The following PLXNA2 variants were observed in gnomAD, a reference collection of about 807,000 sequenced individuals.
The protein encoded by PLXNA2 is plexin A2.
Under a neutral mutation model 193.5 loss-of-function variants are expected in PLXNA2, and 91 were observed. The ratio of observed to expected loss-of-function variants is 0.47; its 90% CI spans 0.40 to 0.56. The LOEUF (loss-of-function observed/expected upper bound fraction) is 0.56, where lower values mean the gene tolerates loss of function less well. Ranked by LOEUF, PLXNA2 falls within the 20% of genes least tolerant of loss-of-function variation. The pLI is 0.00. For synonymous variants in PLXNA2, 997 were observed against 1,027.3 expected (o/e 0.97, Z 0.56); for missense variants, 1,995 against 2,503.2 (o/e 0.80, Z 4.33).
rs2102293970 is a variant in PLXNA2 at position 208,027,347 on chromosome 1, C to T, written c.5590-9G>A. 6.2e-7 allele frequency: 1 copy of T among 1,610,546 alleles called. No individual in the cohort carries two copies. The highest frequency in any genetic ancestry group is 8.5e-7 in the Non-Finnish European group (1 of 1,179,286). On this transcript the variant is annotated splice_polypyrimidine_tract_variant and intron_variant, in intron 31 of 31. Transcript: ENST00000367033. ...TCTAGGGCCCCGATGAGCTGAGGAG[C>T]AAAAACAAAGGCAGGAAGACTTCAG...
At chr1:208,196,358 A>C (rs2801203) in intron 3 of PLXNA2, among the ~76,000 whole-genome samples, 147,829 of 152,262 alleles carry the variant, frequency 0.97, 71,905 homozygotes, top group Middle Eastern at 1. Context: ...CAAAAAAAAA[A>C]CCATGTTCTC....
chr1:208,232,225 C>T (rs938736282), intron 1 of PLXNA2, among the ~76,000 whole-genome samples: 6 of 152,194 alleles, frequency 3.9e-5, no homozygotes, highest in African/African-American at 1.2e-4. Flanking sequence ...AAGGAGAGAC[C>T]ACTGTGCCAG....
At chr1:208,067,014 G>C (rs115212154) in intron 12 of PLXNA2, among the ~76,000 whole-genome samples, 1,732 of 152,272 alleles carry the variant, frequency 0.011, 30 homozygotes, top group South Asian at 0.034. Context: ...ATTACAAAGA[G>C]TCAAAAGGTT....
At chr1:208,129,370 T>C (rs1668079043) in intron 4 of PLXNA2, among the ~76,000 whole-genome samples, 1 of 152,080 alleles carries the variant, frequency 6.6e-6, no homozygotes, top group African/African-American at 2.4e-5. Context: ...GCTGGGTGCA[T>C]GATGGCTTCC....
In PLXNA2 at chr1:208,082,324, C is replaced by T; in HGVS notation, c.2395+88G>A. ...CAGAGGGAGTGTATTATTCATGGCA[C>T]AGCGGCTGGCTGGCTCTGATCCCTC... On this transcript the variant is annotated intron_variant, in intron 11 of 31. Coordinates refer to ENST00000367033, the MANE Select transcript of PLXNA2 (RefSeq NM_025179.4). The surrounding 1 kb of genome is among the most constrained non-coding windows in gnomAD (Gnocchi z 4.2). 1.0e-6 allele frequency: 1 copy of T among 979,428 alleles called. No individual in the cohort carries two copies. Among genetic ancestry groups the T allele is most frequent in the Non-Finnish European group, 1.6e-6 (1 of 624,230 alleles). The allele number at this position is 979,428 out of a possible 1,614,324, so 60.7% of individuals were successfully genotyped here.
At chr1:208,084,330 G>T (rs1004195878) in intron 10 of PLXNA2, 50 bp downstream of exon 10, 6 of 1,587,606 alleles carry the variant, frequency 3.8e-6, no homozygotes, top group Non-Finnish European at 5.2e-6. Flanking sequence ...CCCAGCACGA[G>T]TGTGAGAGGA....
chr1:208,227,189 T>C (rs1671537196), intron 1 of PLXNA2, among the ~76,000 whole-genome samples: 1 of 152,220 alleles, frequency 6.6e-6, no homozygotes, highest in Non-Finnish European at 1.5e-5. Context: ...CATACTCTAA[T>C]GACCATGAGT....
intron 3 of PLXNA2, among the ~76,000 whole-genome samples, chr1:208,203,232 G>A (rs1428404097): frequency 2.0e-5 from 3 of 152,172 alleles, no homozygotes; most frequent in Non-Finnish European, 4.4e-5. Context: ...CGAGCTTGGC[G>A]GCGGGAGCCC....
chr1:208,184,912 G>T (rs1462774412), intron 3 of PLXNA2, among the ~76,000 whole-genome samples: 1 of 152,210 alleles, frequency 6.6e-6, no homozygotes, highest in Non-Finnish European at 1.5e-5. Flanking sequence ...TAAAAGCAGG[G>T]TCTGGGCCCT....
intron 17 of PLXNA2, among the ~76,000 whole-genome samples, chr1:208,049,733 G>T (rs1236462524): frequency 6.6e-6 from 1 of 152,182 alleles, no homozygotes; most frequent in Non-Finnish European, 1.5e-5. Context: ...GGTTGCATCA[G>T]ATGATCCCTG....
intron 3 of PLXNA2, among the ~76,000 whole-genome samples, chr1:208,157,675 G>A (rs1222369416): frequency 1.3e-5 from 2 of 152,194 alleles, no homozygotes; most frequent in Non-Finnish European, 2.9e-5. Context: ...AGACTCCTGG[G>A]AAGAGTAGCT....
chr1:208,031,569 C>T, intron 29 of PLXNA2, 21 bp downstream of exon 29: 2 of 1,613,942 alleles, frequency 1.2e-6, no homozygotes, highest in Non-Finnish European at 1.7e-6. Context: ...GCACCTCCTG[C>T]TGAGCTCCCC....
chr1:208,186,087 G>A (rs182197399), intron 3 of PLXNA2, among the ~76,000 whole-genome samples: 1 of 152,312 alleles, frequency 6.6e-6, no homozygotes, highest in Admixed American at 6.5e-5. Flanking sequence ...CAGATTCTGA[G>A]AGCGCTATCT....
intron 3 of PLXNA2, among the ~76,000 whole-genome samples, chr1:208,146,050 C>A (rs1378464889): frequency 6.6e-6 from 1 of 152,062 alleles, no homozygotes; most frequent in African/African-American, 2.4e-5. Context: ...AGAGTAGGGG[C>A]CAGGAGGCCA....
At chr1:208,221,846 G>A (rs374746625) in intron 1 of PLXNA2, among the ~76,000 whole-genome samples, 8 of 152,300 alleles carry the variant, frequency 5.3e-5, no homozygotes, top group African/African-American at 1.9e-4. Flanking sequence ...TCTGAACTTA[G>A]GTGCCTGGAC....
chr1:208,153,492 T>C (rs1332880757), intron 3 of PLXNA2, among the ~76,000 whole-genome samples: 2 of 152,238 alleles, frequency 1.3e-5, no homozygotes, highest in South Asian at 2.1e-4. Flanking sequence ...TTCTGGAACC[T>C]GGCGTGTAAA....
intron 4 of PLXNA2, among the ~76,000 whole-genome samples, chr1:208,125,026 A>C (rs1303003369): frequency 6.6e-6 from 1 of 152,216 alleles, no homozygotes; most frequent in Non-Finnish European, 1.5e-5. Flanking sequence ...CGGTTTTCTC[A>C]ATGGATACTG....
chr1:208,197,841 T>C (rs1453292948), intron 3 of PLXNA2, among the ~76,000 whole-genome samples: 1 of 152,174 alleles, frequency 6.6e-6, no homozygotes, highest in African/African-American at 2.4e-5. Flanking sequence ...AGACACCTAA[T>C]TGCTGCCCAC....
In PLXNA2 at chr1:208,152,269, A is replaced by AAC. The variant is rs915904382; in HGVS notation, c.1372-9808_1372-9807dup. On this transcript the variant is annotated intron_variant, in intron 3 of 31. Transcript: ENST00000367033. Reference sequence around the variant, plus strand: ...AGAGATTTTAAAAGAAGTCATTAAAAACACACACACACGTGGCATGTGCCC... The same window carrying AAC: ...AGAGATTTTAAAAGAAGTCATTAAAAACACACACACACACGTGGCATGTGCCC... 1.2e-3 allele frequency among the ~76,000 whole-genome samples: 179 copies of AAC among 152,330 alleles called. 1 individual carries two copies. The highest frequency in any genetic ancestry group is 4.2e-3 in the African/African-American group (173 of 41,580).
Sources: gnomAD v4.1 joint callset for allele counts (sites outside exome capture counted in the v4.1 genomes callset) on GRCh38, gnomAD v4.1.1 for gene constraint, Gnocchi (gnomAD v3.1) non-coding constraint, MANE v1.5 for transcripts, NCBI Gene and HGNC (gene_info 2026-07-23, HGNC 2026-07-21) for gene names.